ERN1: variants seen among roughly 807,000 people sequenced by gnomAD.
ERN1 encodes the protein endoplasmic reticulum to nucleus signaling 1, also known as serine/threonine-protein kinase/endoribonuclease IRE1.
ERN1 carries 39 observed loss-of-function variants against 113.1 expected under a neutral mutation model. That is an observed-to-expected ratio of 0.34 (90% confidence interval 0.27 to 0.45). The LOEUF (loss-of-function observed/expected upper bound fraction) is 0.45. Among genes scored for constraint, ERN1 ranks in the 20% least tolerant of loss-of-function variants. The probability of loss-of-function intolerance (pLI) is 1.00; values close to 1 mark genes in which losing one functional copy is unlikely to be tolerated. For missense variants in ERN1, 976 were observed against 1,274.8 expected (o/e 0.77, Z 3.57); for synonymous variants, 507 against 515.9 (o/e 0.98, Z 0.23).
chr17:64,098,630 C>T lies in ERN1; in HGVS notation c.55-389G>A, dbSNP rs546172926. 2.0e-4 allele frequency: 102 copies of T among 515,766 alleles called. 3 individuals are homozygous for T. The highest frequency in any genetic ancestry group is 1.4e-3 in the South Asian group (98 of 69,622). 31.9% of individuals were successfully genotyped at this position (515,766 alleles called of 1,614,324 possible). On this transcript the variant is annotated intron_variant, in intron 1 of 21. Coordinates refer to ENST00000433197, the MANE Select transcript of ERN1 (RefSeq NM_001433.5). The stretch of plus-strand genomic sequence containing the variant: ...TGATAAAAAAGAATGCCAATACCCA[C>T]GCATACACACATTCATGAAATTTTA...
chr17:64,068,163 T>C (rs960871821), intron 7 of ERN1, 27 bp downstream of exon 7: 2 of 1,540,098 alleles, frequency 1.3e-6, no homozygotes, highest in African/African-American at 2.7e-5. Flanking sequence ...TGGCCCAAGC[T>C]TGTGAAATCC....
At position 64,063,886 on chromosome 17, in the gene ERN1, G is replaced by C; in HGVS notation, c.1087+100C>G. On this transcript the variant is annotated intron_variant, in intron 10 of 21. Transcript: ENST00000433197. The surrounding 1 kb of genome is among the most constrained non-coding windows in gnomAD (Gnocchi z 5.1). ...AGCCGGGAAGGGCTCTGAGCACAAG[G>C]CCTTCCGAGCTCAGTACGGTGTAAC... The C allele has an allele frequency of 8.9e-7, 1 of 1,128,298 alleles. No homozygotes were observed. Among genetic ancestry groups the C allele is most frequent in the South Asian group, 1.5e-5 (1 of 67,966 alleles). 69.9% of individuals were successfully genotyped at this position (1,128,298 alleles called of 1,614,324 possible).
intron 19 of ERN1, among the ~76,000 whole-genome samples, chr17:64,047,070 A>G (rs1912534833): frequency 6.6e-6 from 1 of 152,218 alleles, no homozygotes; most frequent in Non-Finnish European, 1.5e-5. Flanking sequence ...GAAATTTATG[A>G]CACTTGGGCT....
intron 2 of ERN1, among the ~76,000 whole-genome samples, chr17:64,083,925 A>C (rs1161497611): frequency 1.3e-5 from 2 of 152,128 alleles, no homozygotes; most frequent in East Asian, 3.9e-4. Context: ...AGTTTTAAAC[A>C]TTTCTGTCCC....
chr17:64,088,529 C>T (rs1383126643), intron 2 of ERN1, among the ~76,000 whole-genome samples: 1 of 152,150 alleles, frequency 6.6e-6, no homozygotes, highest in Non-Finnish European at 1.5e-5. Flanking sequence ...ACATGCACCC[C>T]CATTCCCCGC....
intron 9 of ERN1, among the ~76,000 whole-genome samples, chr17:64,064,989 A>G (rs971158553): frequency 6.6e-6 from 1 of 152,222 alleles, no homozygotes; most frequent in Non-Finnish European, 1.5e-5. Flanking sequence ...TCACAAAAGC[A>G]AAAGGGAATA....
rs200558252 is a variant in ERN1, at chr17:64,054,443, C to T, written c.1764-4G>A. 1.7e-4 allele frequency: 262 copies of T among 1,553,938 alleles called. No homozygotes were observed. The highest frequency in any genetic ancestry group is 2.1e-4 in the Non-Finnish European group (243 of 1,147,668). On this transcript the variant is annotated splice_polypyrimidine_tract_variant and splice_region_variant and intron_variant, in intron 14 of 21. Transcript: ENST00000433197. The surrounding 1 kb of genome is among the most constrained non-coding windows in gnomAD (Gnocchi z 4.9). ...GTCGCGGTTGTCAAACATGCCCCTG[C>T]GGGATGAGGAGTGGGAGTTGTGTCT...
chr17:64,129,674 C>T (rs2143522936), intron 1 of ERN1: 1 of 373,218 alleles, frequency 2.7e-6, no homozygotes, highest in Admixed American at 4.6e-5. Flanking sequence ...TGCAGGACGC[C>T]ACGAAGTTGC....
Position 64,055,786 on chromosome 17 carries a change from A to T in ERN1, c.1561T>A (p.Ser521Thr). ...LDTSGPYSESSGTSSPSTSPR... is the reference protein window; with the variant it reads ...LDTSGPYSESTGTSSPSTSPR... ...GACGTGCTGGGGCTGCTGGTGCCCG[A>T]GCTCTCTGAGTACGGGCCAGACGTG... is the stretch of plus-strand genomic sequence containing the variant. Residue 521 changes from serine to threonine, a missense_variant, in exon 13 of 22, where the codon TCG (serine) becomes ACG (threonine). Coordinates refer to ENST00000433197, the MANE Select transcript of ERN1 (RefSeq NM_001433.5). 1 of 1,598,816 alleles carries T rather than the reference A, an allele frequency of 6.3e-7. No individual in the cohort carries two copies. Among genetic ancestry groups the T allele is most frequent in the South Asian group, 1.1e-5 (1 of 88,848 alleles).
At chr17:64,086,637 C>CT (rs773655917) in intron 2 of ERN1, among the ~76,000 whole-genome samples, 27,206 of 47,168 alleles carry the variant, frequency 0.58, 12,646 homozygotes, top group East Asian at 0.8. Flanking sequence ...CTTTTCTTTC[C>CT]TTTTTTTTTT....
intron 1 of ERN1, among the ~76,000 whole-genome samples, chr17:64,119,187 T>C (rs1002553916): frequency 2.0e-5 from 3 of 152,040 alleles, no homozygotes; most frequent in Admixed American, 1.3e-4. Flanking sequence ...TAACTTTAAA[T>C]AAACATTTAA....
At chr17:64,065,430 G>A (rs1220404968) in intron 8 of ERN1, 143 bp from the exon 9 acceptor site, 1 of 598,080 alleles carries the variant, frequency 1.7e-6, no homozygotes. Flanking sequence ...GGGGTGTGAA[G>A]CTAGGGGCAC....
At chr17:64,079,553 T>C (rs1913701727) in intron 4 of ERN1, 109 bp downstream of exon 4, 3 of 785,180 alleles carry the variant, frequency 3.8e-6, no homozygotes, top group Non-Finnish European at 6.3e-6. Context: ...TCCCCAGGGG[T>C]TGTTTTTAAA....
At chr17:64,101,633 A>G (rs1182407293) in intron 1 of ERN1, among the ~76,000 whole-genome samples, 1 of 152,188 alleles carries the variant, frequency 6.6e-6, no homozygotes, top group Non-Finnish European at 1.5e-5. Context: ...CACATGAAGC[A>G]CTTTCCACCT....
chr17:64,106,770 GCTGT>G, intron 1 of ERN1, among the ~76,000 whole-genome samples: 1 of 85,502 alleles, frequency 1.2e-5, no homozygotes, highest in South Asian at 5.0e-4. Context: ...ACACAAGCTC[GCTGT>G]CTCTTTCTCT....
At chr17:64,064,987 G>A (rs569298660) in intron 9 of ERN1, among the ~76,000 whole-genome samples, 95 of 152,304 alleles carry the variant, frequency 6.2e-4, no homozygotes, top group African/African-American at 2.1e-3. Context: ...GATCACAAAA[G>A]CAAAAGGGAA....
At chr17:64,077,571 G>A (rs1404835521) in intron 4 of ERN1, among the ~76,000 whole-genome samples, 1 of 152,118 alleles carries the variant, frequency 6.6e-6, no homozygotes, top group Non-Finnish European at 1.5e-5. Flanking sequence ...CATCACGCTT[G>A]TGAGTCATCC....
chr17:64,054,091 C>T lies in ERN1; in HGVS notation c.1953+159G>A, dbSNP rs189715163. On this transcript the variant is annotated intron_variant, in intron 15 of 21. Transcript: ENST00000433197. The surrounding 1 kb of genome is among the most constrained non-coding windows in gnomAD (Gnocchi z 4.9). ...AGTAGCTGGGGCTACAGGAACACAT[C>T]GCTAGGCCTGGCTAATTTTTGGTTT... is the stretch of plus-strand genomic sequence containing the variant. The T allele has an allele frequency of 2.6e-5, 16 of 613,738 alleles. No individual in the cohort carries two copies. The highest frequency in any genetic ancestry group is 1.2e-4 in the East Asian group (4 of 32,948). The allele number at this position is 613,738 out of a possible 1,614,324, so 38.0% of individuals were successfully genotyped here.
intron 2 of ERN1, among the ~76,000 whole-genome samples, chr17:64,088,504 T>C (rs542691510): frequency 6.6e-6 from 1 of 152,296 alleles, no homozygotes; most frequent in South Asian, 2.1e-4. Context: ...TTATAGTCTG[T>C]GTAATCCTCT....
Sources: allele counts gnomAD v4.1 joint callset (sites outside exome capture counted in the v4.1 genomes callset), GRCh38; gene constraint gnomAD v4.1.1; non-coding constraint Gnocchi (gnomAD v3.1); transcripts MANE v1.5; gene names NCBI Gene and HGNC (gene_info 2026-07-23, HGNC 2026-07-21).